The following TSNAX variants were observed in gnomAD, a reference collection of about 807,000 sequenced individuals.
The protein encoded by TSNAX is translin-associated protein X.
TSNAX carries 12 observed loss-of-function variants against 33.0 expected under a neutral mutation model. The ratio of observed to expected loss-of-function variants is 0.36; its 90% CI spans 0.23 to 0.59. The LOEUF (loss-of-function observed/expected upper bound fraction) is 0.59. Ranked by LOEUF, TSNAX falls within the 20% of genes least tolerant of loss-of-function variation. The probability of loss-of-function intolerance (pLI) is 0.74; values close to 1 mark genes in which losing one functional copy is unlikely to be tolerated. For missense variants in TSNAX, 267 were observed against 341.3 expected (o/e 0.78, Z 1.72); for synonymous variants, 110 against 117.2 (o/e 0.94, Z 0.40).
intron 4 of TSNAX, among the ~76,000 whole-genome samples, chr1:231,556,610 T>G (rs1344566368): frequency 6.6e-6 from 1 of 152,206 alleles, no homozygotes; most frequent in Non-Finnish European, 1.5e-5. Flanking sequence ...ATCCTGTTTG[T>G]TGAATTTAAT....
intron 4 of TSNAX, among the ~76,000 whole-genome samples, chr1:231,555,256 C>T (rs533806671): frequency 2.6e-5 from 4 of 152,212 alleles, no homozygotes; most frequent in Non-Finnish European, 5.9e-5. Flanking sequence ...TATGTTACAA[C>T]GTGGATGAAG....
intron 4 of TSNAX, among the ~76,000 whole-genome samples, chr1:231,550,289 T>C (rs1660213862): frequency 6.6e-6 from 1 of 152,034 alleles, no homozygotes; most frequent in African/African-American, 2.4e-5. Context: ...AATGTTACTT[T>C]GGAGTGGAGG....
At chr1:231,541,322 CTT>C (rs917344203) in intron 3 of TSNAX, among the ~76,000 whole-genome samples, 5 of 152,300 alleles carry the variant, frequency 3.3e-5, no homozygotes, top group Admixed American at 3.3e-4. Context: ...ATACAAGAAT[CTT>C]TTCACTTTGC....
chr1:231,529,632 T>C (rs1658524848), intron 2 of TSNAX, among the ~76,000 whole-genome samples: 1 of 152,250 alleles, frequency 6.6e-6, no homozygotes, highest in Non-Finnish European at 1.5e-5. Flanking sequence ...AAGAATTGTG[T>C]ACCTGATAAT....
chr1:231,564,515 G>T lies in TSNAX; in HGVS notation c.496-13G>T, dbSNP rs201938337. 14 of 1,589,586 alleles carry T rather than the reference G, an allele frequency of 8.8e-6. 1 individual carries two copies. In the South Asian group the frequency reaches 1.4e-4, roughly 15 times the overall value. ...TGTGTGTGTGTTTTTGTTTTGTTTTGTTTTTTTACCAGCCCTCCTCTGATG... is the reference window on the plus strand; with the variant it reads ...TGTGTGTGTGTTTTTGTTTTGTTTTTTTTTTTTACCAGCCCTCCTCTGATG... On this transcript the variant is annotated splice_polypyrimidine_tract_variant and intron_variant, in intron 5 of 5. Transcript: ENST00000366639.
chr1:231,530,540 G>T (rs998138172), intron 2 of TSNAX, among the ~76,000 whole-genome samples: 1 of 151,918 alleles, frequency 6.6e-6, no homozygotes, highest in South Asian at 2.1e-4. Flanking sequence ...TAAAGTACAC[G>T]GTGAAACCCC....
chr1:231,560,440 G>A (rs1331670476), intron 4 of TSNAX, among the ~76,000 whole-genome samples: 7 of 93,580 alleles, frequency 7.5e-5, no homozygotes, highest in Admixed American at 3.6e-4. Context: ...TTGAGACGAA[G>A]TCTCGCTCTT....
At chr1:231,537,908 A>G (rs1659288762) in intron 3 of TSNAX, among the ~76,000 whole-genome samples, 1 of 152,166 alleles carries the variant, frequency 6.6e-6, no homozygotes, top group African/African-American at 2.4e-5. Context: ...ATTAAACTTT[A>G]TTTGGATGAT....
At chr1:231,542,749 T>C in intron 4 of TSNAX, 138 bp downstream of exon 4, 2 of 1,044,470 alleles carry the variant, frequency 1.9e-6, no homozygotes, top group Non-Finnish European at 2.8e-6. Context: ...TTTGTAGTAA[T>C]ATAGAAGTAA....
At chr1:231,551,798 TAA>T (rs750366346) in intron 4 of TSNAX, among the ~76,000 whole-genome samples, 2,994 of 77,676 alleles carry the variant, frequency 0.039, 105 homozygotes, top group African/African-American at 0.11. Flanking sequence ...TACAAAAAAG[TAA>T]AAAAAAAAAA....
chr1:231,564,403 A>G, intron 5 of TSNAX, 125 bp from the exon 6 acceptor site: 2 of 1,470,806 alleles, frequency 1.4e-6, no homozygotes, highest in Non-Finnish European at 1.8e-6. Context: ...AATTAGTATG[A>G]CTGATTTGCT....
At chr1:231,530,738 ATTAG>A (rs1456357849) in intron 2 of TSNAX, among the ~76,000 whole-genome samples, 1 of 149,814 alleles carries the variant, frequency 6.7e-6, no homozygotes, top group African/African-American at 2.5e-5. Context: ...AGTACGAAAA[ATTAG>A]TTGGTCGTAG....
intron 2 of TSNAX, among the ~76,000 whole-genome samples, chr1:231,531,410 G>C (rs1658708442): frequency 6.6e-6 from 1 of 152,140 alleles, no homozygotes; most frequent in Admixed American, 6.5e-5. Flanking sequence ...CAAGAAACGT[G>C]GTTTCTGCTT....
chr1:231,564,418 AT>A (rs1661299789), intron 5 of TSNAX, 109 bp from the exon 6 acceptor site: 1 of 1,483,872 alleles, frequency 6.7e-7, no homozygotes, highest in Admixed American at 2.4e-5. Context: ...TTTGCTATTG[AT>A]TTTGTACTTC....
Position 231,559,317 on chromosome 1 carries a change from T to TTTGTTGTTGTTG in TSNAX, c.368-1796_368-1785dup, listed in dbSNP as rs71179786. On this transcript the variant is annotated intron_variant, in intron 4 of 5. Coordinates refer to ENST00000366639, the MANE Select transcript of TSNAX (RefSeq NM_005999.3). ...TGAAAATTGTGGCTATAGAATATAGTTTGTTGTTGTTGTTGTTGTTGTTGT... is the reference window on the plus strand; with the variant it reads ...TGAAAATTGTGGCTATAGAATATAGTTTGTTGTTGTTGTTGTTGTTGTTGTTGTTGTTGTTGT... 3.6e-3 allele frequency among the ~76,000 whole-genome samples: 545 copies of TTTGTTGTTGTTG among 151,322 alleles called. 3 individuals are homozygous for TTTGTTGTTGTTG. Among genetic ancestry groups the TTTGTTGTTGTTG allele is most frequent in the African/African-American group, 1.0e-2 (410 of 41,154 alleles).
chr1:231,528,909 C>A, intron 1 of TSNAX, 83 bp downstream of exon 1: 1 of 1,568,524 alleles, frequency 6.4e-7, no homozygotes. Flanking sequence ...CCCTTTTCAC[C>A]CTTGAAGGAT....
intron 4 of TSNAX, among the ~76,000 whole-genome samples, chr1:231,551,484 T>G (rs1660290693): frequency 6.6e-6 from 1 of 152,228 alleles, no homozygotes; most frequent in Non-Finnish European, 1.5e-5. Context: ...TTTTGGAAAT[T>G]AAATACATTT....
At chr1:231,531,970 G>A (rs555568976) in intron 2 of TSNAX, among the ~76,000 whole-genome samples, 2 of 151,920 alleles carry the variant, frequency 1.3e-5, no homozygotes, top group East Asian at 3.9e-4. Flanking sequence ...CTCCGGAGGG[G>A]CTGGGGCAGG....
At chr1:231,559,991 T>A (rs551181653) in intron 4 of TSNAX, among the ~76,000 whole-genome samples, 1,597 of 150,206 alleles carry the variant, frequency 0.011, 25 homozygotes, top group African/African-American at 0.036. Flanking sequence ...TATTATTTTT[T>A]TTTTTTTGCG....
Sources: gnomAD v4.1 joint callset for allele counts (sites outside exome capture counted in the v4.1 genomes callset) on GRCh38, gnomAD v4.1.1 for gene constraint, MANE v1.5 for transcripts, NCBI Gene and HGNC (gene_info 2026-07-23, HGNC 2026-07-21) for gene names.